SCAND1: variants seen among roughly 807,000 people sequenced by gnomAD.
The protein encoded by SCAND1 is SCAN domain containing 1, also known as SCAN domain-containing protein 1.
Under a neutral mutation model 3.4 loss-of-function variants are expected in SCAND1, and 3 were observed. The observed-to-expected ratio is 0.87, with a 90% CI of 0.40 to 2.25. SCAND1 has a LOEUF of 2.25. Ranked by LOEUF, SCAND1 falls within the 30% of genes most tolerant of loss-of-function variation. The probability of loss-of-function intolerance (pLI) is 0.05; values close to 1 mark genes in which losing one functional copy is unlikely to be tolerated. For missense variants in SCAND1, 303 were observed against 258.8 expected, an observed-to-expected ratio of 1.17 and a Z score of -1.17; for synonymous variants, 152 against 120.5, an observed-to-expected ratio of 1.26 and a Z score of -1.72.
At chr20:35,954,732 C>T (rs941258916), upstream of SCAND1, 2 of 838,518 alleles carry the variant, frequency 2.4e-6, no homozygotes, top group African/African-American at 1.8e-5. Context: ...GGACCTTATC[C>T]GTGCGCCGCT....
rs539694073 is a variant in SCAND1 at position 35,954,307 on chromosome 20, CTT to C, written c.-25_-24del. 100 of 1,613,394 alleles carry C rather than the reference CTT, an allele frequency of 6.2e-5. No individual in the cohort carries two copies. The Middle Eastern group carries it at 8.2e-4, about 13-fold the overall frequency. On this transcript the variant is annotated 5_prime_UTR_variant, in exon 2 of 2. Transcript: ENST00000305978. ...CATAACTCCAGCTCCGGGCGTCACTCTTTGTCCGGTAGCTGTGTGCTCAGCAC... is the reference window on the plus strand; with the variant it reads ...CATAACTCCAGCTCCGGGCGTCACTCTGTCCGGTAGCTGTGTGCTCAGCAC...
At chr20:35,958,556 A>G (rs746803608), upstream of SCAND1, among the ~76,000 whole-genome samples, 10 of 152,252 alleles carry the variant, frequency 6.6e-5, no homozygotes, top group Non-Finnish European at 1.0e-4. Flanking sequence ...TTGCATAACT[A>G]TAGTACAATA....
chr20:35,953,992 G>T lies in SCAND1; in HGVS notation c.293C>A (p.Ala98Asp). ...CGTCTCGGGACCGAGTCTAGAGCCG[G>T]CGGGGCCTGGTGTGGAGCGCGCTTC... Reference protein sequence around the residue: ...EAEARSTPGPAGSRLGPETFR... With the variant: ...EAEARSTPGPDGSRLGPETFR... Residue 98 changes from alanine to aspartate, a missense_variant, in exon 2 of 2, where the codon GCC becomes GAC. Coordinates refer to ENST00000305978, the MANE Select transcript of SCAND1 (RefSeq NM_033630.3). The T allele has an allele frequency of 6.4e-7, 1 of 1,551,064 alleles. No homozygotes were observed. The highest frequency in any genetic ancestry group is 8.7e-7 in the Non-Finnish European group (1 of 1,148,056).
chr20:35,956,974 T>G (rs998950640), upstream of SCAND1, among the ~76,000 whole-genome samples: 1 of 152,140 alleles, frequency 6.6e-6, no homozygotes, highest in Non-Finnish European at 1.5e-5. Flanking sequence ...CTGGTGGGGG[T>G]TAAATCATAA....
At position 35,954,094 on chromosome 20, in the gene SCAND1, G is replaced by A; in HGVS notation, c.191C>T (p.Pro64Leu). Residue 64 changes from proline (P) to leucine (L), a missense_variant, in exon 2 of 2, where the codon CCC becomes CTC. Physicochemically the swap from Pro to Leu is moderately conservative, Grantham distance 98. Transcript: ENST00000305978. Reference protein sequence around the residue: ...NAAVPEAIPTPRAAASAALEL... With the variant: ...NAAVPEAIPTLRAAASAALEL... ...CAGGGCCGCGGAGGCCGCAGCTCGG[G>A]GCGTAGGGATGGCTTCAGGGACCGC... 2.0e-6 allele frequency: 3 copies of A among 1,538,372 alleles called. No homozygotes were observed. The highest frequency in any genetic ancestry group is 2.4e-5 in the South Asian group (2 of 84,080).
In SCAND1 at chr20:35,953,924, C is replaced by A; in HGVS notation, c.361G>T (p.Gly121Cys). 6.3e-7 allele frequency: 1 copy of A among 1,576,718 alleles called. No homozygotes were observed. The highest frequency in any genetic ancestry group is 8.6e-7 in the Non-Finnish European group (1 of 1,163,230). ...AGCTGCCGGAAAGCCTCCCGGGGAC[C>A]CGCCGCATCCTGGTAGCGGAACTGC... ...FRQFRYQDAA[G>C]PREAFRQLRE... The change falls in exon 2 of 2, where the codon GGT becomes TGT. Residue 121 changes from glycine to cysteine, a missense_variant. By Grantham distance (159) the Gly-to-Cys change is radical. Transcript: ENST00000305978.
chr20:35,958,840 T>C (rs1415088519), upstream of SCAND1: 1 of 152,214 alleles, frequency 6.6e-6, no homozygotes, highest in Non-Finnish European at 1.5e-5. Context: ...TATAACTGTG[T>C]TATTTAAAAA....
upstream of SCAND1, chr20:35,959,176 A>G (rs1216697098): frequency 6.6e-6 from 1 of 152,230 alleles, no homozygotes; most frequent in Non-Finnish European, 1.5e-5. Context: ...AGGAGGAGAA[A>G]TATATATAAG....
At position 35,953,952 on chromosome 20, in the gene SCAND1, G is replaced by C; in HGVS notation, c.333C>G (p.Phe111Leu). Residue 111 changes from phenylalanine (F) to leucine (L), a missense_variant, in exon 2 of 2, where the codon TTC becomes TTG. Phe to Leu is a conservative substitution (Grantham distance 22, BLOSUM62 0). Coordinates refer to ENST00000305978, the MANE Select transcript of SCAND1 (RefSeq NM_033630.3). Reference sequence around the variant, plus strand: ...CCGCATCCTGGTAGCGGAACTGCCGGAAACGCTGGCGGAACGTCTCGGGAC... The same window carrying C: ...CCGCATCCTGGTAGCGGAACTGCCGCAAACGCTGGCGGAACGTCTCGGGAC... ...RLGPETFRQRFRQFRYQDAAG... is the reference protein window; with the variant it reads ...RLGPETFRQRLRQFRYQDAAG... 6.3e-7 allele frequency: 1 copy of C among 1,576,906 alleles called. No homozygotes were observed.
upstream of SCAND1, chr20:35,954,516 C>T: frequency 2.6e-6 from 4 of 1,528,570 alleles, no homozygotes; most frequent in Non-Finnish European, 3.5e-6. Flanking sequence ...CAGGTCGGCG[C>T]GCGAGCACCC....
rs759356596 is a variant in SCAND1 at position 35,954,428 on chromosome 20, C to A, written c.-56+20G>T. The stretch of plus-strand genomic sequence containing the variant: ...TGAGGGAGTCGGACTCGGGACCGGC[C>A]GAGAGTGTGCGGAGCTTACCTGCAC... On this transcript the variant is annotated intron_variant, in intron 1 of 1. Coordinates refer to ENST00000305978, the MANE Select transcript of SCAND1 (RefSeq NM_033630.3). 8 of 1,550,246 alleles carry A rather than the reference C, an allele frequency of 5.2e-6. No homozygotes were observed. In the African/African-American group the frequency reaches 9.6e-5, roughly 19 times the overall value.
In SCAND1 at chr20:35,953,797, G is replaced by A. The variant is rs2056205434; in HGVS notation, c.488C>T (p.Ala163Val). The part of the protein sequence containing the change: ...QEQLLAILPE[A>V]ARARRIRRRT... ...GCGGCGGATCCGCCGGGCCCGAGCCGCCTCGGGCAGGATGGCGAGCAGCTG... is the reference window on the plus strand; with the variant it reads ...GCGGCGGATCCGCCGGGCCCGAGCCACCTCGGGCAGGATGGCGAGCAGCTG... The change falls in exon 2 of 2, where the codon GCG becomes GTG. Residue 163 changes from alanine (A) to valine (V), a missense_variant. Coordinates refer to ENST00000305978, the MANE Select transcript of SCAND1 (RefSeq NM_033630.3). 2.0e-6 allele frequency: 3 copies of A among 1,525,774 alleles called. No individual in the cohort carries two copies. Among genetic ancestry groups the A allele is most frequent in the South Asian group, 1.2e-5 (1 of 82,352 alleles). 94.5% of individuals were successfully genotyped at this position (1,525,774 alleles called of 1,614,324 possible).
At chr20:35,958,219 T>G (rs2056275683), upstream of SCAND1, among the ~76,000 whole-genome samples, 1 of 152,152 alleles carries the variant, frequency 6.6e-6, no homozygotes, top group Non-Finnish European at 1.5e-5. Context: ...GATCACGAGT[T>G]CAGGAGTTTG....
upstream of SCAND1, chr20:35,959,061 C>G (rs2056284953): frequency 6.6e-6 from 1 of 152,154 alleles, no homozygotes. Flanking sequence ...TGAGCTGTTA[C>G]AAATAGAACT....
chr20:35,957,513 C>G (rs1430403495), upstream of SCAND1, among the ~76,000 whole-genome samples: 1 of 152,018 alleles, frequency 6.6e-6, no homozygotes, highest in Admixed American at 6.5e-5. Context: ...TATGTACACT[C>G]TACTTTGGTA....
At chr20:35,955,612 A>C (rs1029839833), upstream of SCAND1, among the ~76,000 whole-genome samples, 1 of 152,136 alleles carries the variant, frequency 6.6e-6, no homozygotes, top group Non-Finnish European at 1.5e-5. Context: ...GCTATCTCTG[A>C]GCTACTGTTT....
Position 35,954,295 on chromosome 20 carries a change from C to A in SCAND1, c.-11G>T. The A allele has an allele frequency of 6.2e-7, 1 of 1,613,580 alleles. No individual in the cohort carries two copies. The highest frequency in any genetic ancestry group is 1.1e-5 in the South Asian group (1 of 91,036). On this transcript the variant is annotated 5_prime_UTR_variant, in exon 2 of 2. Coordinates refer to ENST00000305978, the MANE Select transcript of SCAND1 (RefSeq NM_033630.3). ...CTCCGTAGCCGCCATAACTCCAGCT[C>A]CGGGCGTCACTCTTTGTCCGGTAGC...
upstream of SCAND1, among the ~76,000 whole-genome samples, chr20:35,958,214 C>A (rs1195153745): frequency 6.6e-6 from 1 of 152,142 alleles, no homozygotes; most frequent in Non-Finnish European, 1.5e-5. Flanking sequence ...AGGCGGATCA[C>A]GAGTTCAGGA....
chr20:35,957,314 C>T (rs770945725), upstream of SCAND1, among the ~76,000 whole-genome samples: 2 of 152,144 alleles, frequency 1.3e-5, no homozygotes, highest in Non-Finnish European at 2.9e-5. Flanking sequence ...TGGCCGGGCG[C>T]GGTGGCTCAT....
Sources: allele counts gnomAD v4.1 joint callset (sites outside exome capture counted in the v4.1 genomes callset), GRCh38; gene constraint gnomAD v4.1.1; transcripts MANE v1.5; gene names NCBI Gene and HGNC (gene_info 2026-07-23, HGNC 2026-07-21).